ANGEL1: variants seen among roughly 807,000 people sequenced by gnomAD.
ANGEL1 encodes the protein angel homolog 1.
In ANGEL1, 62 loss-of-function variants were observed where a neutral mutation model predicts 76.4. That is an observed-to-expected ratio of 0.81 (90% CI 0.66 to 1.00). ANGEL1 has a LOEUF of 1.00. ANGEL1 is among the 50% of genes least tolerant of loss of function. ANGEL1 has a pLI of 0.00. For synonymous variants in ANGEL1, 340 were observed against 331.7 expected, an observed-to-expected ratio of 1.03 and a Z score of -0.27; for missense variants, 737 against 836.7, an observed-to-expected ratio of 0.88 and a Z score of 1.47.
chr14:76,809,681 C>A, intron 1 of ANGEL1, 38 bp from the exon 2 acceptor site: 2 of 1,533,446 alleles, frequency 1.3e-6, no homozygotes, highest in Admixed American at 1.8e-5. Context: ...ATAAGACTGT[C>A]ATCCAACCCA....
intron 7 of ANGEL1, among the ~76,000 whole-genome samples, chr14:76,792,596 A>G (rs1011107398): frequency 1.3e-5 from 2 of 152,224 alleles, no homozygotes; most frequent in African/African-American, 4.8e-5. Flanking sequence ...GAAAAATCAT[A>G]TAATGTGATA....
intron 7 of ANGEL1, among the ~76,000 whole-genome samples, chr14:76,798,776 C>T (rs889946971): frequency 6.6e-6 from 1 of 151,730 alleles, no homozygotes; most frequent in African/African-American, 2.4e-5. Context: ...GGTGAAACCC[C>T]GTTTCTACTA....
At chr14:76,792,363 C>G (rs1408961142) in intron 7 of ANGEL1, among the ~76,000 whole-genome samples, 1 of 151,842 alleles carries the variant, frequency 6.6e-6, no homozygotes, top group Non-Finnish European at 1.5e-5. Context: ...ACAAACACTT[C>G]CAAAAAAAAG....
chr14:76,812,820 G>A lies in ANGEL1; in HGVS notation c.8C>T (p.Ala3Val), dbSNP rs908841096. 9.9e-6 allele frequency: 15 copies of A among 1,515,046 alleles called. No individual in the cohort carries two copies. Among genetic ancestry groups the A allele is most frequent in the African/African-American group, 5.7e-5 (4 of 69,920 alleles). 93.9% of individuals were successfully genotyped at this position (1,515,046 alleles called of 1,614,324 possible). A position where few individuals can be genotyped will look rare whatever the true frequency, so the allele number is the denominator to read the frequency against. ...CAGCAGCAGGTAACACAAGCACGAC[G>A]CGATCATGGCCGGCCGCCCGCGCCC... Reference protein sequence around the residue: MIASCLCYLLLPA... With the variant: MIVSCLCYLLLPA... Residue 3 changes from alanine to valine, a missense_variant, in exon 1 of 10, where the codon GCG becomes GTG. This residue lies in a region of ANGEL1 where 441 missense variants were observed against 449.5 expected (regional missense o/e 0.98). Coordinates refer to ENST00000251089, the MANE Select transcript of ANGEL1 (RefSeq NM_015305.4).
At position 76,809,219 on chromosome 14, in the gene ANGEL1, G is replaced by A; in HGVS notation, c.489C>T (p.Ala163=). The change falls in exon 2 of 10, where the codon GCC becomes GCT. Residue 163 remains alanine, a synonymous_variant. Transcript: ENST00000251089. ...QSEPQYADCA[A]LPVGALATEQ... is the part of the protein sequence containing the mutation. ...CTGTGGCCAGGGCACCCACTGGGAG[G>A]GCAGCACAGTCTGCATACTGGGGCT... 1 of 1,613,278 alleles carries A rather than the reference G, an allele frequency of 6.2e-7. No individual in the cohort carries two copies. The highest frequency in any genetic ancestry group is 8.5e-7 in the Non-Finnish European group (1 of 1,179,610).
At chr14:76,794,309 C>CA (rs1323213244) in intron 7 of ANGEL1, among the ~76,000 whole-genome samples, 2 of 151,074 alleles carry the variant, frequency 1.3e-5, no homozygotes, top group East Asian at 1.9e-4. Context: ...TAAAGCTGTT[C>CA]AAAAAAAAGG....
rs1461048308 is a variant in ANGEL1, at chr14:76,786,778, G to A, written c.*2450C>T. On this transcript the variant is annotated 3_prime_UTR_variant, in exon 10 of 10. Coordinates refer to ENST00000251089, the MANE Select transcript of ANGEL1 (RefSeq NM_015305.4). The stretch of plus-strand genomic sequence containing the variant: ...TCAGCCCTGGCTCCAGAATGCAAAA[G>A]AGATCAGAAATAGATGCTCAGCAAG... 1 of 152,232 alleles carries A rather than the reference G, an allele frequency of 6.6e-6. No homozygotes were observed. The highest frequency in any genetic ancestry group is 2.4e-5 in the African/African-American group (1 of 41,448). The allele number at this position is 152,232 out of a possible 1,614,324, so 9.4% of individuals were successfully genotyped here.
At chr14:76,799,030 T>C (rs1453207244) in intron 7 of ANGEL1, among the ~76,000 whole-genome samples, 1 of 151,170 alleles carries the variant, frequency 6.6e-6, no homozygotes, top group East Asian at 1.9e-4. Context: ...TGGCACAGAA[T>C]GCTCCAGTAC....
chr14:76,808,578 C>T (rs1038019351), intron 2 of ANGEL1, among the ~76,000 whole-genome samples: 2 of 152,024 alleles, frequency 1.3e-5, no homozygotes, highest in Non-Finnish European at 2.9e-5. Flanking sequence ...ATGGTGTGTC[C>T]CCATCTCCCC....
intron 1 of ANGEL1, among the ~76,000 whole-genome samples, chr14:76,811,892 T>C (rs1338120938): frequency 1.3e-5 from 2 of 152,152 alleles, no homozygotes; most frequent in Non-Finnish European, 1.5e-5. Flanking sequence ...GACACACACA[T>C]TGCGTACCAA....
chr14:76,806,481 C>G lies in ANGEL1; in HGVS notation c.1315G>C (p.Asp439His), dbSNP rs773015222. Residue 439 changes from aspartate (D) to histidine (H), a missense_variant, in exon 5 of 10, where the codon GAT becomes CAT. Physicochemically the swap from Asp to His is moderately conservative, Grantham distance 81. Around this residue, in one of 2 missense-constraint regions of ANGEL1, gnomAD observed 296 missense variants for 387.2 expected, o/e 0.76. Transcript: ENST00000251089. ...CTGATGAAGTTGTAGAGAGGTGAATCAGGGACAGAATTTAGGTCCCCGCAC... is the reference window on the plus strand; with the variant it reads ...CTGATGAAGTTGTAGAGAGGTGAATGAGGGACAGAATTTAGGTCCCCGCAC... The part of the protein sequence containing the change: ...ILCGDLNSVP[D>H]SPLYNFIRDG... 1.9e-6 allele frequency: 3 copies of G among 1,614,066 alleles called. No individual in the cohort carries two copies. In the African/African-American group the frequency reaches 4.0e-5, roughly 22 times the overall value.
rs1302291456 is a variant in ANGEL1, at chr14:76,786,695, C to G, written c.*2533G>C. The G allele has an allele frequency of 1.3e-5, 2 of 152,104 alleles. No homozygotes were observed. Among genetic ancestry groups the G allele is most frequent in the African/African-American group, 4.8e-5 (2 of 41,386 alleles). The allele number at this position is 152,104 out of a possible 1,614,324, so 9.4% of individuals were successfully genotyped here. On this transcript the variant is annotated 3_prime_UTR_variant, in exon 10 of 10. Coordinates refer to ENST00000251089, the MANE Select transcript of ANGEL1 (RefSeq NM_015305.4). ...TAGGGAGGTTGGAAGACAAAAGCAC[C>G]AACAGAGGTAGGCCTAGGAAGGAAG...
intron 2 of ANGEL1, among the ~76,000 whole-genome samples, chr14:76,808,505 G>A (rs1894988168): frequency 6.8e-6 from 1 of 148,002 alleles, no homozygotes; most frequent in Non-Finnish European, 1.5e-5. Flanking sequence ...CATTTTTAGA[G>A]TAATTGCAGC....
chr14:76,802,994 G>A (rs1894810543), intron 7 of ANGEL1, among the ~76,000 whole-genome samples: 1 of 152,222 alleles, frequency 6.6e-6, no homozygotes, highest in Admixed American at 6.5e-5. Flanking sequence ...AAATTTCTCA[G>A]TAGGAACAAC....
Position 76,808,149 on chromosome 14 carries a change from C to G in ANGEL1, c.650-1G>C. The G allele has an allele frequency of 6.2e-7, 1 of 1,613,154 alleles. No individual in the cohort carries two copies. The highest frequency in any genetic ancestry group is 8.5e-7 in the Non-Finnish European group (1 of 1,179,766). On this transcript the variant is annotated splice_acceptor_variant, in intron 2 of 9. Transcript: ENST00000251089. LOFTEE classifies it high-confidence loss of function. The stretch of plus-strand genomic sequence containing the variant: ...TCCTCCCATTCTCGCCACAAAATTT[C>G]TGCAAAGGATTGGGAGAAGCACTCA...
Position 76,807,912 on chromosome 14 carries a change from C to A in ANGEL1, c.876+10G>T, listed in dbSNP as rs1894968468. ...ACAATGCAAGATGGCAATTCCCCCT[C>A]TTCACTCACATCAGGGTCCCAGTGC... On this transcript the variant is annotated intron_variant, in intron 3 of 9. Transcript: ENST00000251089. 6.2e-7 allele frequency: 1 copy of A among 1,613,406 alleles called. No individual in the cohort carries two copies.
intron 9 of ANGEL1, among the ~76,000 whole-genome samples, chr14:76,789,672 C>G (rs1894340709): frequency 6.6e-6 from 1 of 151,760 alleles, no homozygotes; most frequent in East Asian, 1.9e-4. Flanking sequence ...GCTAGAGATC[C>G]AGCTTTTCTA....
At chr14:76,799,667 A>T (rs899160278) in intron 7 of ANGEL1, among the ~76,000 whole-genome samples, 2 of 152,130 alleles carry the variant, frequency 1.3e-5, no homozygotes, top group African/African-American at 4.8e-5. Flanking sequence ...GCACTTTGAG[A>T]GGTCGAGCCA....
At chr14:76,791,033 C>T (rs1344222806) in intron 8 of ANGEL1, among the ~76,000 whole-genome samples, 1 of 152,092 alleles carries the variant, frequency 6.6e-6, no homozygotes, top group Non-Finnish European at 1.5e-5. Flanking sequence ...CCCAATGTAC[C>T]CCTGTCTGGG....
Sources: gnomAD v4.1 joint callset for allele counts (sites outside exome capture counted in the v4.1 genomes callset) on GRCh38, gnomAD v4.1.1 for gene constraint, gnomAD v4.1.1 regional missense constraint, MANE v1.5 for transcripts, NCBI Gene and HGNC (gene_info 2026-07-23, HGNC 2026-07-21) for gene names.